The following JAK2 variants were observed in gnomAD, a reference collection of about 807,000 sequenced individuals.
The protein encoded by JAK2 is tyrosine-protein kinase JAK2.
JAK2 carries 86 observed loss-of-function variants against 139.3 expected under a neutral mutation model. That is an observed-to-expected ratio of 0.62 (90% CI 0.52 to 0.74). The LOEUF is 0.74. JAK2 is among the 30% of genes least tolerant of loss of function. The probability of loss-of-function intolerance (pLI) is 0.00; values close to 1 mark genes in which losing one functional copy is unlikely to be tolerated. For missense variants in JAK2, 1,421 were observed against 1,360.3 expected, an observed-to-expected ratio of 1.04 and a Z score of -0.70; for synonymous variants, 490 against 437.7, an observed-to-expected ratio of 1.12 and a Z score of -1.49.
chr9:5,099,222 T>C (rs1821271326), intron 22 of JAK2: 1 of 152,228 alleles, frequency 6.6e-6, no homozygotes, highest in Non-Finnish European at 1.5e-5. Context: ...GACCAGGTCT[T>C]TACTATGGAC....
chr9:5,022,995 G>T (rs1822533286), intron 3 of JAK2, among the ~76,000 whole-genome samples: 1 of 152,076 alleles, frequency 6.6e-6, no homozygotes, highest in Non-Finnish European at 1.5e-5. Flanking sequence ...ACCATTAACT[G>T]TAAGTTGGAG....
chr9:5,123,193 G>C, intron 23 of JAK2, 72 bp downstream of exon 23: 1 of 1,028,492 alleles, frequency 9.7e-7, no homozygotes, highest in Non-Finnish European at 1.5e-6. Flanking sequence ...TGGGGTACAA[G>C]TACAATTTTG....
At chr9:5,011,732 G>T (rs1313555882) in intron 2 of JAK2, among the ~76,000 whole-genome samples, 1 of 152,100 alleles carries the variant, frequency 6.6e-6, no homozygotes, top group Non-Finnish European at 1.5e-5. Context: ...GGATGATGTG[G>T]ATTTCAATCT....
At chr9:5,089,466 G>A (rs1296644461) in intron 19 of JAK2, among the ~76,000 whole-genome samples, 2 of 148,574 alleles carry the variant, frequency 1.3e-5, no homozygotes, top group Admixed American at 6.7e-5. Context: ...TGAACCCAGG[G>A]GGCGGAGCTT....
intron 2 of JAK2, among the ~76,000 whole-genome samples, chr9:5,004,171 C>T (rs1022624440): frequency 2.8e-4 from 43 of 152,078 alleles, no homozygotes; most frequent in African/African-American, 9.9e-4. Flanking sequence ...TAGCAATTTT[C>T]AAGTATACGA....
At chr9:5,068,813 T>C (rs1276525715) in intron 10 of JAK2, among the ~76,000 whole-genome samples, 1 of 152,216 alleles carries the variant, frequency 6.6e-6, no homozygotes, top group Non-Finnish European at 1.5e-5. Flanking sequence ...TTTCATAAAA[T>C]CAACTTTTAA....
intron 2 of JAK2, among the ~76,000 whole-genome samples, chr9:5,008,173 C>G (rs917389514): frequency 1.3e-5 from 2 of 152,216 alleles, no homozygotes; most frequent in African/African-American, 4.8e-5. Context: ...TTTTTATAGT[C>G]TATACATAAA....
At chr9:5,104,953 T>A (rs969338554) in intron 22 of JAK2, among the ~76,000 whole-genome samples, 4 of 152,206 alleles carry the variant, frequency 2.6e-5, no homozygotes, top group Admixed American at 2.6e-4. Flanking sequence ...GCCAATATCA[T>A]ACTGAATGGG....
intron 2 of JAK2, among the ~76,000 whole-genome samples, chr9:5,003,018 G>T (rs1474414486): frequency 2.6e-5 from 4 of 151,912 alleles, no homozygotes; most frequent in African/African-American, 9.7e-5. Context: ...AAATGCAATG[G>T]CACATCTGTT....
intron 2 of JAK2, among the ~76,000 whole-genome samples, chr9:4,988,683 C>G (rs7849067): frequency 0.49 from 75,094 of 152,020 alleles, 20,798 homozygotes; most frequent in African/African-American, 0.76. Flanking sequence ...CCAGTTCTTT[C>G]ATTTTAAAAC....
At position 5,022,191 on chromosome 9, in the gene JAK2, T is replaced by C. The variant is rs1822475502; in HGVS notation, c.204T>C (p.Cys68=). 6.2e-7 allele frequency: 1 copy of C among 1,613,668 alleles called. No homozygotes were observed. The highest frequency in any genetic ancestry group is 8.5e-7 in the Non-Finnish European group (1 of 1,179,664). Residue 68 remains cysteine (C), a synonymous_variant, in exon 3 of 25, where the codon TGT becomes TGC. Coordinates refer to ENST00000381652, the MANE Select transcript of JAK2 (RefSeq NM_004972.4). The part of the protein sequence containing the change: ...PSGEYVAEEI[C]IAASKACGIT... The stretch of plus-strand genomic sequence containing the variant: ...GGGAGTATGTTGCAGAAGAAATCTG[T>C]ATTGCTGCTTCTAAAGCTTGTGGTA...
In JAK2 at chr9:5,087,550, TA is replaced by T. The variant is rs1362348763; in HGVS notation, c.2572-2123del. ...CTATCTTAAATCTTTCTTTTCGCTG[TA>T]TTTTTCTTCATCTCCTTCTTCCATA... On this transcript the variant is annotated intron_variant, in intron 19 of 24. Coordinates refer to ENST00000381652, the MANE Select transcript of JAK2 (RefSeq NM_004972.4). Among the ~76,000 whole-genome samples the T allele has an allele frequency of 2.6e-5, 4 of 152,354 alleles. No homozygotes were observed. In the East Asian group the frequency reaches 7.7e-4, roughly 29 times the overall value.
intron 19 of JAK2, among the ~76,000 whole-genome samples, chr9:5,083,155 A>T (rs964859320): frequency 1.1e-4 from 17 of 152,194 alleles, no homozygotes; most frequent in Admixed American, 1.1e-3. Context: ...TACAGAAAGG[A>T]ATACATAAGC....
intron 22 of JAK2, among the ~76,000 whole-genome samples, chr9:5,118,740 A>T (rs1008051575): frequency 6.6e-6 from 1 of 152,198 alleles, no homozygotes; most frequent in Non-Finnish European, 1.5e-5. Flanking sequence ...ATTCATTTCT[A>T]TGACGCCTTC....
chr9:4,987,978 A>G (rs556034847), intron 2 of JAK2, among the ~76,000 whole-genome samples: 1 of 152,276 alleles, frequency 6.6e-6, no homozygotes, highest in East Asian at 1.9e-4. Flanking sequence ...GTATAAAGAG[A>G]TAAAGGACTT....
Position 5,127,305 on chromosome 9 carries a change from G to A in JAK2, c.*514G>A, listed in dbSNP as rs1824065184. 4.3e-6 allele frequency: 1 copy of A among 231,988 alleles called. No homozygotes were observed. The highest frequency in any genetic ancestry group is 6.1e-5 in the East Asian group (1 of 16,518). 14.4% of individuals were successfully genotyped at this position (231,988 alleles called of 1,614,324 possible). On this transcript the variant is annotated 3_prime_UTR_variant, in exon 25 of 25. Transcript: ENST00000381652. Reference sequence around the variant, plus strand: ...CTTCACTATACAAACAAATTAAGATGTTCAGATAATTGAATAAGTACCTTT... The same window carrying A: ...CTTCACTATACAAACAAATTAAGATATTCAGATAATTGAATAAGTACCTTT...
At chr9:4,997,146 G>A (rs1820620575) in intron 2 of JAK2, among the ~76,000 whole-genome samples, 1 of 151,732 alleles carries the variant, frequency 6.6e-6, no homozygotes, top group East Asian at 1.9e-4. Context: ...CACTCAGTCT[G>A]GTCTTGAACT....
chr9:5,106,779 C>G (rs1269790053), intron 22 of JAK2, among the ~76,000 whole-genome samples: 1 of 152,136 alleles, frequency 6.6e-6, no homozygotes, highest in Non-Finnish European at 1.5e-5. Flanking sequence ...AACCATCATT[C>G]TCAGCAAACT....
At chr9:5,030,729 C>T (rs1166128479) in intron 4 of JAK2, among the ~76,000 whole-genome samples, 1 of 151,982 alleles carries the variant, frequency 6.6e-6, no homozygotes, top group Non-Finnish European at 1.5e-5. Context: ...TCACTTGGTG[C>T]TCTCTCAATA....
Sources: allele counts gnomAD v4.1 joint callset (sites outside exome capture counted in the v4.1 genomes callset), GRCh38; gene constraint gnomAD v4.1.1; transcripts MANE v1.5; gene names NCBI Gene and HGNC (gene_info 2026-07-23, HGNC 2026-07-21).